C12orf42: variants seen among roughly 807,000 people sequenced by gnomAD.
C12orf42 encodes uncharacterized protein C12orf42.
In C12orf42, 25 loss-of-function variants were observed where a neutral mutation model predicts 21.6. That is an observed-to-expected ratio of 1.16 (90% CI 0.84 to 1.62). C12orf42 has a LOEUF of 1.62. Among genes scored for constraint, C12orf42 ranks in the 40% most tolerant of loss-of-function variants. The pLI is 0.00. For missense variants in C12orf42, 483 were observed against 459.3 expected, an observed-to-expected ratio of 1.05 and a Z score of -0.47; for synonymous variants, 174 against 175.0, an observed-to-expected ratio of 0.99 and a Z score of 0.05.
At chr12:103,393,678 T>G (rs977623952) in intron 3 of C12orf42, among the ~76,000 whole-genome samples, 1 of 152,218 alleles carries the variant, frequency 6.6e-6, no homozygotes, top group African/African-American at 2.4e-5. Context: ...AGGTCAGAGT[T>G]TTTTTGTTCA....
chr12:103,062,205 T>C, the C12orf42 span, among the ~76,000 whole-genome samples: 2 of 151,254 alleles, frequency 1.3e-5, no homozygotes, highest in Non-Finnish European at 3.0e-5. Context: ...TATTTATTTA[T>C]ATATATACAT....
the C12orf42 span, among the ~76,000 whole-genome samples, chr12:103,134,340 A>G: frequency 6.6e-6 from 1 of 152,146 alleles, no homozygotes; most frequent in East Asian, 1.9e-4. Flanking sequence ...ACTGGAGAAT[A>G]CAGGAAAAAT....
At chr12:103,354,076 C>G in intron 4 of C12orf42, among the ~76,000 whole-genome samples, 1 of 152,114 alleles carries the variant, frequency 6.6e-6, no homozygotes, top group East Asian at 1.9e-4. Context: ...TCCATTTCAT[C>G]TCTTCTTATT....
intron 4 of C12orf42, among the ~76,000 whole-genome samples, chr12:103,351,418 C>T (rs1379256700): frequency 6.6e-6 from 1 of 152,124 alleles, no homozygotes; most frequent in Non-Finnish European, 1.5e-5. Flanking sequence ...TACCCTGTCA[C>T]GGAGGCTGCC....
chr12:103,528,307 T>G, the C12orf42 span, among the ~76,000 whole-genome samples: 1 of 152,238 alleles, frequency 6.6e-6, no homozygotes, highest in Non-Finnish European at 1.5e-5. Flanking sequence ...CAGTGTCATA[T>G]AGCTTACAAG....
the C12orf42 span, among the ~76,000 whole-genome samples, chr12:103,076,079 G>C: frequency 2.0e-5 from 3 of 152,016 alleles, no homozygotes; most frequent in African/African-American, 7.3e-5. Flanking sequence ...GGTCCTGTTG[G>C]GGGATGGGGC....
At chr12:103,078,408 T>G in the C12orf42 span, among the ~76,000 whole-genome samples, 3 of 152,226 alleles carry the variant, frequency 2.0e-5, no homozygotes, top group Non-Finnish European at 4.4e-5. Flanking sequence ...TGCAAACATA[T>G]AATTCCAGAA....
At chr12:103,246,715 T>C (rs879605626) in intron 10 of C12orf42, among the ~76,000 whole-genome samples, 3 of 152,034 alleles carry the variant, frequency 2.0e-5, no homozygotes, top group Non-Finnish European at 2.9e-5. Context: ...ACAATCCACT[T>C]TGTGGCCCAA....
upstream of C12orf42, among the ~76,000 whole-genome samples, chr12:103,500,384 G>T (rs550316450): frequency 9.2e-5 from 14 of 152,126 alleles, no homozygotes; most frequent in African/African-American, 2.4e-5. Context: ...TTTCTGAAAA[G>T]TTACATAAAA....
intron 2 of C12orf42, among the ~76,000 whole-genome samples, chr12:103,408,309 T>A (rs2048574453): frequency 6.6e-6 from 1 of 152,226 alleles, no homozygotes; most frequent in South Asian, 2.1e-4. Flanking sequence ...GCCAGATAGG[T>A]CAGCAGAGTC....
the C12orf42 span, among the ~76,000 whole-genome samples, chr12:103,532,348 A>G: frequency 2.0e-5 from 3 of 152,242 alleles, no homozygotes; most frequent in Non-Finnish European, 4.4e-5. Flanking sequence ...TCTAGATACC[A>G]AAACTGTGTA....
the C12orf42 span, among the ~76,000 whole-genome samples, chr12:103,534,604 T>C: frequency 2.0e-5 from 3 of 152,188 alleles, no homozygotes; most frequent in African/African-American, 4.8e-5. Context: ...GAAAGGAGAC[T>C]GTCTTCTTTC....
intron 3 of C12orf42, among the ~76,000 whole-genome samples, chr12:103,392,746 C>T (rs2047180207): frequency 6.6e-6 from 1 of 152,218 alleles, no homozygotes; most frequent in South Asian, 2.1e-4. Flanking sequence ...TGTAAAGTAG[C>T]ACTGTCAATG....
At chr12:103,462,812 C>T (rs758903931) in intron 2 of C12orf42, among the ~76,000 whole-genome samples, 11 of 152,178 alleles carry the variant, frequency 7.2e-5, no homozygotes, top group Non-Finnish European at 1.5e-4. Context: ...ACTCATTAAA[C>T]CCTATCTGTG....
At chr12:103,243,353 G>A (rs1214970991) in intron 10 of C12orf42, among the ~76,000 whole-genome samples, 2 of 151,936 alleles carry the variant, frequency 1.3e-5, no homozygotes, top group African/African-American at 4.8e-5. Flanking sequence ...TAATGTATAT[G>A]AAAGTAAGTA....
chr12:103,439,620 A>G, intron 2 of C12orf42, among the ~76,000 whole-genome samples: 1 of 149,188 alleles, frequency 6.7e-6, no homozygotes, highest in African/African-American at 2.5e-5. Context: ...CACTTCTCAA[A>G]AGAAGACATT....
chr12:103,179,298 C>T, the C12orf42 span, among the ~76,000 whole-genome samples: 1 of 152,174 alleles, frequency 6.6e-6, no homozygotes, highest in Admixed American at 6.5e-5. Flanking sequence ...AAAGTAATGT[C>T]ATGAAAAGAA....
chr12:103,334,045 A>G (rs1435926983), intron 4 of C12orf42, among the ~76,000 whole-genome samples: 4 of 152,222 alleles, frequency 2.6e-5, no homozygotes, highest in Non-Finnish European at 5.9e-5. Flanking sequence ...ACTTTTATGC[A>G]TATGAATGCT....
At chr12:103,285,933 T>C (rs2036424385) in intron 4 of C12orf42, among the ~76,000 whole-genome samples, 1 of 152,148 alleles carries the variant, frequency 6.6e-6, no homozygotes, top group South Asian at 2.1e-4. Flanking sequence ...AGGTGCTCAA[T>C]TAATATGTGC....
Sources: allele counts gnomAD v4.1 joint callset (sites outside exome capture counted in the v4.1 genomes callset), GRCh38; gene constraint gnomAD v4.1.1; transcripts MANE v1.5; gene names NCBI Gene and HGNC (gene_info 2026-07-23, HGNC 2026-07-21).